PIK3CD: variants seen among roughly 807,000 people sequenced by gnomAD.
PIK3CD encodes the protein phosphatidylinositol 4,5-bisphosphate 3-kinase catalytic subunit delta isoform.
Under a neutral mutation model 122.9 loss-of-function variants are expected in PIK3CD, and 20 were observed. The observed-to-expected ratio is 0.16, with a 90% CI of 0.11 to 0.24. The LOEUF (loss-of-function observed/expected upper bound fraction) is 0.24, where lower values mean the gene tolerates loss of function less well. PIK3CD is among the 10% of genes least tolerant of loss of function. The pLI, the probability that PIK3CD is intolerant of heterozygous loss-of-function variation, is 1.00. For synonymous variants in PIK3CD, 596 were observed against 593.4 expected (o/e 1.00, Z -0.06); for missense variants, 787 against 1,406.3 (o/e 0.56, Z 7.04).
intron 1 of PIK3CD, among the ~76,000 whole-genome samples, chr1:9,683,768 A>T (rs79583983): frequency 0.036 from 5,538 of 152,296 alleles, 129 homozygotes; most frequent in South Asian, 0.11. Flanking sequence ...GACAGAGCTC[A>T]GCAGGACGGC....
intron 1 of PIK3CD, among the ~76,000 whole-genome samples, chr1:9,663,315 C>T (rs1645063139): frequency 6.6e-6 from 1 of 152,222 alleles, no homozygotes; most frequent in Middle Eastern, 3.2e-3. Context: ...GTGTCTGTCT[C>T]TCTCACTGGC....
At chr1:9,631,992 CCTT>C in the PIK3CD span, among the ~76,000 whole-genome samples, 1 of 137,400 alleles carries the variant, frequency 7.3e-6, no homozygotes, top group South Asian at 2.7e-4. Context: ...TCCCTTCCTT[CCTT>C]CTTCTATCTT....
intron 1 of PIK3CD, among the ~76,000 whole-genome samples, chr1:9,659,708 T>TCGGCC (rs1644957723): frequency 6.6e-6 from 1 of 152,176 alleles, no homozygotes; most frequent in Non-Finnish European, 1.5e-5. Context: ...TCAGAATTTC[T>TCGGCC]TTCATTTTTT....
rs1648086213 is a variant in PIK3CD, at chr1:9,719,267, T to C, written c.1242+352T>C. Among the ~76,000 whole-genome samples the C allele has an allele frequency of 6.6e-6, 1 of 152,206 alleles. No homozygotes were observed. On this transcript the variant is annotated intron_variant, in intron 9 of 23. Transcript: ENST00000377346. This position sits in a 1 kb window ranked among gnomAD's most constrained non-coding sequence, Gnocchi z 5.5. ...GCCGGGAGGCGTAGTGGCTGGGTGC[T>C]GAGTCACGGTCCCAGGATATGGCTC...
chr1:9,722,129 C>T lies in PIK3CD; in HGVS notation c.2210C>T (p.Pro737Leu). 1 of 1,613,196 alleles carries T rather than the reference C, an allele frequency of 6.2e-7. No homozygotes were observed. The highest frequency in any genetic ancestry group is 8.5e-7 in the Non-Finnish European group (1 of 1,179,918). ...TCCCACCTGCAGTCCCCACTCGACC[C>T]CAGCACCCTGCTGGCTGAAGTCTGG... ...ALSHLQSPLD[P>L]STLLAEVCVE... The change falls in exon 17 of 24, where the codon CCC (proline) becomes CTC (leucine). Residue 737 changes from proline (P) to leucine (L), a missense_variant. Around this residue, in one of 6 missense-constraint regions of PIK3CD, gnomAD observed 48 missense variants for 71.9 expected, o/e 0.67. Transcript: ENST00000377346. The surrounding 1 kb of genome is among the most constrained non-coding windows in gnomAD (Gnocchi z 7.6).
In PIK3CD at chr1:9,722,505, C is replaced by T; in HGVS notation, c.2348-23C>T. 2.5e-6 allele frequency: 4 copies of T among 1,604,242 alleles called. No individual in the cohort carries two copies. The highest frequency in any genetic ancestry group is 2.6e-6 in the Non-Finnish European group (3 of 1,171,638). Reference sequence around the variant, plus strand: ...GAACCTACCAGAAACTCACGCTTCTCCTCCCACCGGCCGGTGGCACAGACC... The same window carrying T: ...GAACCTACCAGAAACTCACGCTTCTTCTCCCACCGGCCGGTGGCACAGACC... On this transcript the variant is annotated intron_variant, in intron 18 of 23. Transcript: ENST00000377346. The surrounding 1 kb of genome is among the most constrained non-coding windows in gnomAD (Gnocchi z 7.6).
At chr1:9,659,438 T>G (rs1354084842) in intron 1 of PIK3CD, among the ~76,000 whole-genome samples, 1 of 152,198 alleles carries the variant, frequency 6.6e-6, no homozygotes, top group Non-Finnish European at 1.5e-5. Context: ...AAGAGCGCAG[T>G]TCTGTGGGAT....
intron 2 of PIK3CD, among the ~76,000 whole-genome samples, chr1:9,709,116 A>G (rs1459765508): frequency 6.6e-6 from 1 of 151,434 alleles, no homozygotes; most frequent in Non-Finnish European, 1.5e-5. Context: ...TGCAACCTCC[A>G]ACTCCTGGGT....
intron 2 of PIK3CD, among the ~76,000 whole-genome samples, chr1:9,705,323 CAAAAAAA>C (rs563873650): frequency 1.6e-3 from 90 of 57,556 alleles, no homozygotes; most frequent in Non-Finnish European, 2.5e-3. Context: ...TTAAAAATAC[CAAAAAAA>C]AAAAAAAAAA....
chr1:9,722,149 G>A lies in PIK3CD; in HGVS notation c.2230G>A (p.Val744Ile). The change falls in exon 17 of 24, where the codon GTC becomes ATC. Residue 744 changes from valine to isoleucine, a missense_variant. Val to Ile is a conservative substitution (Grantham distance 29). This residue lies in a region of PIK3CD where 48 missense variants were observed against 71.9 expected (regional missense o/e 0.67). Coordinates refer to ENST00000377346, the MANE Select transcript of PIK3CD (RefSeq NM_005026.5). The surrounding 1 kb of genome is among the most constrained non-coding windows in gnomAD (Gnocchi z 7.6). ...PLDPSTLLAEVCVEQCTFMDS... is the reference protein window; with the variant it reads ...PLDPSTLLAEICVEQCTFMDS... ...CGACCCCAGCACCCTGCTGGCTGAA[G>A]TCTGGTGAGCCCAAGCCCCGCCACA... The A allele has an allele frequency of 6.2e-7, 1 of 1,611,982 alleles. No individual in the cohort carries two copies. The highest frequency in any genetic ancestry group is 8.5e-7 in the Non-Finnish European group (1 of 1,179,394).
In PIK3CD at chr1:9,720,322, G is replaced by A. The variant is rs112227623; in HGVS notation, c.1470+80G>A. 4.6e-6 allele frequency: 7 copies of A among 1,518,360 alleles called. No individual in the cohort carries two copies. The African/African-American group carries it at 5.5e-5, about 12-fold the overall frequency. The allele number at this position is 1,518,360 out of a possible 1,614,324, so 94.1% of individuals were successfully genotyped here. On this transcript the variant is annotated intron_variant, in intron 11 of 23. Transcript: ENST00000377346. This position sits in a 1 kb window ranked among gnomAD's most constrained non-coding sequence, Gnocchi z 9.0. Reference sequence around the variant, plus strand: ...CCCTGCTCCTGGAGCTCTTCAGAGGGTGCTCCCTGGCCACGTCGGGGCTGG... The same window carrying A: ...CCCTGCTCCTGGAGCTCTTCAGAGGATGCTCCCTGGCCACGTCGGGGCTGG...
At chr1:9,627,739 G>C in the PIK3CD span, among the ~76,000 whole-genome samples, 3 of 152,270 alleles carry the variant, frequency 2.0e-5, no homozygotes, top group East Asian at 5.8e-4. Flanking sequence ...CCCTTATCGC[G>C]GCCACCTTCC....
rs951883008 is a variant in PIK3CD, at chr1:9,724,239, C to T, written c.2719-37C>T. On this transcript the variant is annotated intron_variant, in intron 21 of 23. Coordinates refer to ENST00000377346, the MANE Select transcript of PIK3CD (RefSeq NM_005026.5). This position sits in a 1 kb window ranked among gnomAD's most constrained non-coding sequence, Gnocchi z 7.3. Reference sequence around the variant, plus strand: ...CCCCTGGATTCTCTCCTGTCTGACACCTTCTCAATCCTCCCCCTCCTCTCC... The same window carrying T: ...CCCCTGGATTCTCTCCTGTCTGACATCTTCTCAATCCTCCCCCTCCTCTCC... 6.2e-7 allele frequency: 1 copy of T among 1,613,744 alleles called. No individual in the cohort carries two copies. The highest frequency in any genetic ancestry group is 8.5e-7 in the Non-Finnish European group (1 of 1,179,884).
upstream of PIK3CD, among the ~76,000 whole-genome samples, chr1:9,648,762 G>GC (rs1644630224): frequency 6.6e-6 from 1 of 152,204 alleles, no homozygotes; most frequent in African/African-American, 2.4e-5. Flanking sequence ...TGGCTCCTCT[G>GC]CAAGTGTCCA....
At chr1:9,648,763 C>G (rs1215070274), upstream of PIK3CD, among the ~76,000 whole-genome samples, 1 of 152,226 alleles carries the variant, frequency 6.6e-6, no homozygotes, top group Non-Finnish European at 1.5e-5. Context: ...GGCTCCTCTG[C>G]AAGTGTCCAC....
At chr1:9,633,126 G>T in the PIK3CD span, among the ~76,000 whole-genome samples, 1 of 152,132 alleles carries the variant, frequency 6.6e-6, no homozygotes, top group African/African-American at 2.4e-5. Flanking sequence ...CTCCCATAGT[G>T]CTGGGATTAC....
At chr1:9,675,046 G>GAGAA (rs145905057) in intron 1 of PIK3CD, among the ~76,000 whole-genome samples, 16,596 of 142,922 alleles carry the variant, frequency 0.12, 1,065 homozygotes, top group Non-Finnish European at 0.13. Flanking sequence ...AAGAGAGAGA[G>GAGAA]AGAAAGAAAG....
the PIK3CD span, among the ~76,000 whole-genome samples, chr1:9,634,581 G>A: frequency 2.6e-5 from 4 of 152,200 alleles, no homozygotes; most frequent in Admixed American, 6.5e-5. Context: ...TTACAGGCAT[G>A]AGCCACTGCG....
the PIK3CD span, among the ~76,000 whole-genome samples, chr1:9,640,057 T>C: frequency 1.3e-5 from 2 of 149,662 alleles, no homozygotes; most frequent in Non-Finnish European, 2.9e-5. Context: ...TCTTTCTTTC[T>C]TTCATTGCTC....
Sources: gnomAD v4.1 joint callset for allele counts (sites outside exome capture counted in the v4.1 genomes callset) on GRCh38, gnomAD v4.1.1 for gene constraint, gnomAD v4.1.1 regional missense constraint, Gnocchi (gnomAD v3.1) non-coding constraint, MANE v1.5 for transcripts, NCBI Gene and HGNC (gene_info 2026-07-23, HGNC 2026-07-21) for gene names.